Variants in ZFYVE9 observed in about 807,000 individuals in gnomAD.
The protein encoded by ZFYVE9 is zinc finger FYVE domain-containing protein 9.
Under a neutral mutation model 126.7 loss-of-function variants are expected in ZFYVE9, and 43 were observed. The ratio of observed to expected loss-of-function variants is 0.34; its 90% CI spans 0.27 to 0.44. The LOEUF (loss-of-function observed/expected upper bound fraction) is 0.44. ZFYVE9 is among the 20% of genes least tolerant of loss of function. The pLI, the probability that ZFYVE9 is intolerant of heterozygous loss-of-function variation, is 1.00. For synonymous variants in ZFYVE9, 521 were observed against 597.4 expected (o/e 0.87, Z 1.87); for missense variants, 1,476 against 1,697.0 (o/e 0.87, Z 2.29).
chr1:52,288,316 T>C (rs1645882399), intron 10 of ZFYVE9, among the ~76,000 whole-genome samples: 1 of 152,156 alleles, frequency 6.6e-6, no homozygotes, highest in Non-Finnish European at 1.5e-5. Flanking sequence ...GTTTAAGAGA[T>C]AGAAGTCTTG....
intron 2 of ZFYVE9, among the ~76,000 whole-genome samples, chr1:52,218,964 C>T (rs180716665): frequency 5.4e-4 from 82 of 152,190 alleles, no homozygotes; most frequent in African/African-American, 1.9e-3. Flanking sequence ...TACTGGGTTA[C>T]ACTGGTGGTT....
chr1:52,238,750 G>A lies in ZFYVE9; in HGVS notation c.1333G>A (p.Ala445Thr), dbSNP rs1645302453. The A allele has an allele frequency of 6.2e-7, 1 of 1,613,966 alleles. No individual in the cohort carries two copies. The highest frequency in any genetic ancestry group is 1.7e-5 in the Admixed American group (1 of 60,010). The change falls in exon 4 of 19, where the codon GCA becomes ACA. Residue 445 changes from alanine to threonine, a missense_variant. This residue lies in a region of ZFYVE9 where 807 missense variants were observed against 794.6 expected (regional missense o/e 1.02). Coordinates refer to ENST00000287727, the MANE Select transcript of ZFYVE9 (RefSeq NM_004799.4). ...AGGACAGTGTGTTGGATTGGCAGAT[G>A]CAGGTCTAGATTTAAAAGGAACTTG... The part of the protein sequence containing the change: ...SGGQCVGLAD[A>T]GLDLKGTCIS...
At position 52,268,624 on chromosome 1, in the gene ZFYVE9, C is replaced by T. The variant is rs761798633; in HGVS notation, c.2617C>T (p.Pro873Ser). The T allele has an allele frequency of 3.7e-6, 6 of 1,613,356 alleles. No individual in the cohort carries two copies. The East Asian group carries it at 1.1e-4, about 30-fold the overall frequency. ...PVKPVTTSPLPAETDICLFSG... is the reference protein window; with the variant it reads ...PVKPVTTSPLSAETDICLFSG... ...CAAGCCAGTAACTACCAGTCCTCTA[C>T]CAGCAGAGGTAAGAAAACAAAACAG... The change falls in exon 7 of 19, where the codon CCA becomes TCA. Residue 873 changes from proline (P) to serine (S), a missense_variant. Pro to Ser is a moderately conservative substitution (Grantham distance 74). This residue lies in a region of ZFYVE9 where 669 missense variants were observed against 902.4 expected (regional missense o/e 0.74). Transcript: ENST00000287727.
intron 4 of ZFYVE9, among the ~76,000 whole-genome samples, chr1:52,242,835 A>T (rs1487777408): frequency 6.6e-6 from 1 of 152,178 alleles, no homozygotes; most frequent in Non-Finnish European, 1.5e-5. Context: ...GATTTTAGCC[A>T]TCTGGCATGA....
At chr1:52,288,592 T>C (rs979628749) in intron 10 of ZFYVE9, among the ~76,000 whole-genome samples, 2 of 152,254 alleles carry the variant, frequency 1.3e-5, no homozygotes, top group African/African-American at 4.8e-5. Context: ...TAAATTCTTT[T>C]GATGGCTTGA....
chr1:52,270,716 C>CT (rs1645684013), intron 7 of ZFYVE9, among the ~76,000 whole-genome samples: 1 of 150,416 alleles, frequency 6.6e-6, no homozygotes, highest in South Asian at 2.1e-4. Context: ...AGTTCTCTCT[C>CT]TTTTTTAAAG....
intron 13 of ZFYVE9, among the ~76,000 whole-genome samples, chr1:52,324,254 C>T (rs199507888): frequency 9.2e-4 from 2 of 2,168 alleles, no homozygotes; most frequent in Non-Finnish European, 4.0e-3. Flanking sequence ...GTCTCAAAAA[C>T]ACACACACAC....
At chr1:52,201,342 T>C (rs1022024651) in intron 1 of ZFYVE9, among the ~76,000 whole-genome samples, 2 of 151,932 alleles carry the variant, frequency 1.3e-5, no homozygotes, top group African/African-American at 4.8e-5. Context: ...GTAACCCTGC[T>C]ATAGTCACTT....
At chr1:52,280,417 G>A (rs186483737) in intron 9 of ZFYVE9, among the ~76,000 whole-genome samples, 2 of 151,780 alleles carry the variant, frequency 1.3e-5, no homozygotes, top group Admixed American at 1.3e-4. Flanking sequence ...GATTCTTGAA[G>A]TATATACCAT....
intron 1 of ZFYVE9, chr1:52,180,302 C>T: frequency 1.3e-6 from 2 of 1,589,430 alleles, no homozygotes; most frequent in Non-Finnish European, 1.7e-6. Context: ...CCTGCATACC[C>T]AGTTATCCTG....
chr1:52,230,816 G>A (rs1208370040), intron 2 of ZFYVE9, among the ~76,000 whole-genome samples: 5 of 152,176 alleles, frequency 3.3e-5, no homozygotes, highest in Admixed American at 2.6e-4. Flanking sequence ...GCACTTATCT[G>A]TTAATTTTAT....
rs1378235380 is a variant in ZFYVE9 at position 52,266,689 on chromosome 1, C to G, written c.2313C>G (p.Ser771Arg). 16 of 1,606,224 alleles carry G rather than the reference C, an allele frequency of 1.0e-5. No individual in the cohort carries two copies. Among genetic ancestry groups the G allele is most frequent in the Non-Finnish European group, 1.4e-5 (16 of 1,176,558 alleles). Residue 771 changes from serine to arginine, a missense_variant, in exon 6 of 19, where the codon AGC becomes AGG. Coordinates refer to ENST00000287727, the MANE Select transcript of ZFYVE9 (RefSeq NM_004799.4). ...GGGAGAACATGATGAGTGCCTCAAG[C>G]CAGAGCCCTAACCCTAACAATCCTG... The part of the protein sequence containing the change: ...QAWENMMSAS[S>R]QSPNPNNPAE...
intron 1 of ZFYVE9, among the ~76,000 whole-genome samples, chr1:52,158,271 G>C (rs1437823385): frequency 6.6e-6 from 1 of 152,184 alleles, no homozygotes; most frequent in Non-Finnish European, 1.5e-5. Flanking sequence ...GCTAATTCTT[G>C]CCATTCTTTT....
intron 15 of ZFYVE9, among the ~76,000 whole-genome samples, chr1:52,336,947 T>TAAAAAAAAAAAAAAAAAAAAAAAAAAAAA (rs71041896): frequency 9.3e-6 from 1 of 107,874 alleles, no homozygotes; most frequent in African/African-American, 3.6e-5. Flanking sequence ...AGTCATCTCT[T>TAAAAAAAAAAAAAAAAAAAAAAAAAAAAA]AAAAAAAAAA....
chr1:52,172,320 G>T (rs1644580691), intron 1 of ZFYVE9, among the ~76,000 whole-genome samples: 2 of 152,244 alleles, frequency 1.3e-5, no homozygotes, highest in South Asian at 4.1e-4. Flanking sequence ...TAGATATGCG[G>T]CGTTATTTCT....
chr1:52,225,395 G>A (rs1421990403), intron 2 of ZFYVE9, among the ~76,000 whole-genome samples: 1 of 152,216 alleles, frequency 6.6e-6, no homozygotes, highest in Non-Finnish European at 1.5e-5. Flanking sequence ...GCTCAGTGTA[G>A]TGAAAAGAAA....
chr1:52,295,339 GGTTTGTTTGTTT>G (rs144066928), intron 11 of ZFYVE9, among the ~76,000 whole-genome samples: 5,891 of 149,672 alleles, frequency 0.039, 296 homozygotes, highest in African/African-American at 0.12. Context: ...AGACCTTGTG[GGTTTGTTTGTTT>G]GTTTGTTTGT....
At chr1:52,298,487 T>C (rs1019161259) in intron 12 of ZFYVE9, among the ~76,000 whole-genome samples, 1 of 152,186 alleles carries the variant, frequency 6.6e-6, no homozygotes, top group South Asian at 2.1e-4. Context: ...GGGCCTTCTA[T>C]TCTGTACTGT....
chr1:52,221,159 TCA>T (rs1177359527), intron 2 of ZFYVE9, among the ~76,000 whole-genome samples: 1 of 152,200 alleles, frequency 6.6e-6, no homozygotes, highest in Non-Finnish European at 1.5e-5. Context: ...TGCAAAGAAT[TCA>T]CAGTTTGGGC....
Sources: gnomAD v4.1 joint callset for allele counts (sites outside exome capture counted in the v4.1 genomes callset) on GRCh38, gnomAD v4.1.1 for gene constraint, gnomAD v4.1.1 regional missense constraint, MANE v1.5 for transcripts, NCBI Gene and HGNC (gene_info 2026-07-23, HGNC 2026-07-21) for gene names.